The following SLC39A10 variants were observed in gnomAD, a reference collection of about 807,000 sequenced individuals.
SLC39A10 encodes zinc transporter ZIP10.
A neutral mutation model predicts 65.1 loss-of-function variants in SLC39A10; 13 were observed. The observed-to-expected ratio is 0.20, with a 90% CI of 0.13 to 0.32. The LOEUF is 0.32. SLC39A10 is among the 10% of genes least tolerant of loss of function. SLC39A10 has a pLI of 1.00. For missense variants in SLC39A10, 831 were observed against 1,018.4 expected, an observed-to-expected ratio of 0.82 and a Z score of 2.50; for synonymous variants, 321 against 342.2, an observed-to-expected ratio of 0.94 and a Z score of 0.68.
chr2:195,733,986 G>T (rs1385140502), intron 9 of SLC39A10, among the ~76,000 whole-genome samples: 1 of 152,032 alleles, frequency 6.6e-6, no homozygotes, highest in Non-Finnish European at 1.5e-5. Context: ...TTCTGTGTCT[G>T]TTATTGGAAT....
At chr2:195,706,590 G>A (rs143548281) in intron 3 of SLC39A10, 26 bp from the exon 4 acceptor site, 3 of 1,597,746 alleles carry the variant, frequency 1.9e-6, no homozygotes, top group East Asian at 2.3e-5. Flanking sequence ...TTATACTAAT[G>A]TTGACTCTTA....
At chr2:195,656,055 TAATA>T (rs968601485), upstream of SLC39A10, among the ~76,000 whole-genome samples, 5 of 152,102 alleles carry the variant, frequency 3.3e-5, no homozygotes, top group Non-Finnish European at 7.4e-5. Context: ...GTGATTAAAT[TAATA>T]TATATGTGGA....
Position 195,735,134 on chromosome 2 carries a change from C to T in SLC39A10, c.*93C>T. On this transcript the variant is annotated 3_prime_UTR_variant, in exon 10 of 10. Coordinates refer to ENST00000359634, the MANE Select transcript of SLC39A10 (RefSeq NM_020342.3). Reference sequence around the variant, plus strand: ...GTATGCACATTGCTCAAAGGAAAGTCAGTGGCTTGCACTACTTACAAGTTT... The same window carrying T: ...GTATGCACATTGCTCAAAGGAAAGTTAGTGGCTTGCACTACTTACAAGTTT... The T allele has an allele frequency of 2.3e-6, 3 of 1,326,166 alleles. No homozygotes were observed. The South Asian group carries it at 4.7e-5, about 21-fold the overall frequency. 82.1% of individuals were successfully genotyped at this position (1,326,166 alleles called of 1,614,324 possible). A position where few individuals can be genotyped will look rare whatever the true frequency, so the allele number is the denominator to read the frequency against.
intron 2 of SLC39A10, among the ~76,000 whole-genome samples, chr2:195,618,075 GC>G (rs79782149): frequency 1 from 151,956 of 151,958 alleles, 75,977 homozygotes; most frequent in Non-Finnish European, 1. Flanking sequence ...AGGGCTGGGT[GC>G]CGGTGCCTCA....
intron 9 of SLC39A10, among the ~76,000 whole-genome samples, chr2:195,730,559 T>G (rs1290297128): frequency 6.6e-6 from 1 of 152,222 alleles, no homozygotes; most frequent in African/African-American, 2.4e-5. Flanking sequence ...CTGGCTTTTC[T>G]CAGACTCTTT....
intron 2 of SLC39A10, among the ~76,000 whole-genome samples, chr2:195,616,225 G>T (rs908991692): frequency 2.0e-5 from 3 of 152,146 alleles, no homozygotes; most frequent in African/African-American, 7.2e-5. Flanking sequence ...AAAGTGTTAG[G>T]ATTACAGGCG....
chr2:195,648,978 A>G (rs1368080345), intron 2 of SLC39A10, among the ~76,000 whole-genome samples: 1 of 152,234 alleles, frequency 6.6e-6, no homozygotes, highest in African/African-American at 2.4e-5. Flanking sequence ...TGTAATTAAA[A>G]TGAAACTTGG....
chr2:195,660,041 A>G (rs1302086000), intron 1 of SLC39A10, among the ~76,000 whole-genome samples: 1 of 152,060 alleles, frequency 6.6e-6, no homozygotes, highest in Non-Finnish European at 1.5e-5. Flanking sequence ...CTGCCAAACT[A>G]AATTTCGTGA....
At chr2:195,676,832 G>A (rs1458376713) in intron 1 of SLC39A10, among the ~76,000 whole-genome samples, 1 of 152,168 alleles carries the variant, frequency 6.6e-6, no homozygotes, top group African/African-American at 2.4e-5. Context: ...GATTTTAACT[G>A]GCATTGAGTT....
chr2:195,685,707 C>T (rs1690498702), intron 3 of SLC39A10, among the ~76,000 whole-genome samples: 1 of 152,136 alleles, frequency 6.6e-6, no homozygotes, highest in South Asian at 2.1e-4. Flanking sequence ...ATTATGTTCC[C>T]TTCCTTGACA....
chr2:195,668,492 T>C (rs530507031), intron 1 of SLC39A10, among the ~76,000 whole-genome samples: 65 of 152,376 alleles, frequency 4.3e-4, no homozygotes, highest in African/African-American at 1.5e-3. Context: ...AAAAGCTTGC[T>C]TTAAAACCTT....
intron 1 of SLC39A10, among the ~76,000 whole-genome samples, chr2:195,672,919 G>A (rs981322698): frequency 6.6e-6 from 1 of 152,124 alleles, no homozygotes. Flanking sequence ...GGAGCTAAAG[G>A]AATATGTATC....
chr2:195,685,187 A>G (rs758334088), intron 3 of SLC39A10, among the ~76,000 whole-genome samples: 3 of 152,132 alleles, frequency 2.0e-5, no homozygotes, highest in African/African-American at 4.8e-5. Context: ...GACAGAGCCC[A>G]CAAACCCTAA....
chr2:195,672,773 C>T (rs1348937742), intron 1 of SLC39A10, among the ~76,000 whole-genome samples: 1 of 152,142 alleles, frequency 6.6e-6, no homozygotes, highest in East Asian at 1.9e-4. Context: ...CCTCTGGTAC[C>T]TATTCATTTG....
chr2:195,730,336 T>TGTTC (rs909259172), intron 9 of SLC39A10, among the ~76,000 whole-genome samples: 15 of 152,252 alleles, frequency 9.9e-5, no homozygotes, highest in African/African-American at 3.1e-4. Flanking sequence ...TTTGTTTGTT[T>TGTTC]ATTTGTTTGT....
At chr2:195,651,032 C>G (rs984511979) in intron 2 of SLC39A10, among the ~76,000 whole-genome samples, 3 of 151,620 alleles carry the variant, frequency 2.0e-5, no homozygotes, top group African/African-American at 7.3e-5. Context: ...GATTGCACCA[C>G]TGCACTCCAG....
At chr2:195,676,443 G>A (rs945953362) in intron 1 of SLC39A10, among the ~76,000 whole-genome samples, 2 of 151,666 alleles carry the variant, frequency 1.3e-5, no homozygotes, top group Non-Finnish European at 2.9e-5. Flanking sequence ...CATGATATGT[G>A]CTTTGTGTCT....
At chr2:195,679,417 A>T (rs1414681484) in intron 1 of SLC39A10, among the ~76,000 whole-genome samples, 2 of 152,210 alleles carry the variant, frequency 1.3e-5, no homozygotes, top group African/African-American at 4.8e-5. Context: ...TAATTCATAG[A>T]GTAAATGCTT....
At chr2:195,619,213 A>T (rs900555952) in intron 2 of SLC39A10, among the ~76,000 whole-genome samples, 3 of 152,074 alleles carry the variant, frequency 2.0e-5, no homozygotes, top group Non-Finnish European at 4.4e-5. Flanking sequence ...ACCTGAACTT[A>T]GGTAGTAGAG....
Sources: gnomAD v4.1 joint callset for allele counts (sites outside exome capture counted in the v4.1 genomes callset) on GRCh38, gnomAD v4.1.1 for gene constraint, MANE v1.5 for transcripts, NCBI Gene and HGNC (gene_info 2026-07-23, HGNC 2026-07-21) for gene names.